The following IRF6 variants were observed in gnomAD, a reference collection of about 807,000 sequenced individuals.
IRF6 encodes the protein interferon regulatory factor 6.
A neutral mutation model predicts 51.4 loss-of-function variants in IRF6; 6 were observed. That is an observed-to-expected ratio of 0.12 (90% CI 0.06 to 0.23). The LOEUF is 0.23. Ranked by LOEUF, IRF6 falls within the 10% of genes least tolerant of loss-of-function variation. IRF6 has a pLI of 1.00. For synonymous variants in IRF6, 178 were observed against 215.7 expected (o/e 0.83, Z 1.53); for missense variants, 348 against 585.2 (o/e 0.59, Z 4.18).
chr1:209,803,915 C>T (rs564820967), intron 1 of IRF6, among the ~76,000 whole-genome samples: 1 of 152,220 alleles, frequency 6.6e-6, no homozygotes, highest in South Asian at 2.1e-4. Context: ...GCACTATCTC[C>T]ATCTTGTAAC....
chr1:209,798,144 G>A (rs1444649639), intron 3 of IRF6, among the ~76,000 whole-genome samples: 1 of 152,046 alleles, frequency 6.6e-6, no homozygotes, highest in East Asian at 1.9e-4. Context: ...TTCAGATTTG[G>A]GTCCCTCCAT....
At chr1:209,804,560 A>T (rs2077962548) in intron 1 of IRF6, among the ~76,000 whole-genome samples, 1 of 152,158 alleles carries the variant, frequency 6.6e-6, no homozygotes, top group South Asian at 2.1e-4. Flanking sequence ...GCCTAGTTGA[A>T]CTCATCTTGG....
chr1:209,802,866 G>A (rs2077952059), intron 1 of IRF6, among the ~76,000 whole-genome samples: 1 of 152,300 alleles, frequency 6.6e-6, no homozygotes, highest in African/African-American at 2.4e-5. Flanking sequence ...TAGCTGACGG[G>A]GTGGCCCATA....
chr1:209,796,593 A>G lies in IRF6; in HGVS notation c.175-41T>C. On this transcript the variant is annotated intron_variant, in intron 3 of 8. Transcript: ENST00000367021. The surrounding 1 kb of genome is among the most constrained non-coding windows in gnomAD (Gnocchi z 4.5). ...CACAGTGAGTCCTATCATTGCCCAG[A>G]GCCACTGCAAAGCATGTGCTTACCC... The G allele has an allele frequency of 6.6e-7, 1 of 1,513,100 alleles. No individual in the cohort carries two copies. The allele number at this position is 1,513,100 out of a possible 1,614,324, so 93.7% of individuals were successfully genotyped here. A position where few individuals can be genotyped will look rare whatever the true frequency, so the allele number is the denominator to read the frequency against.
intron 1 of IRF6, among the ~76,000 whole-genome samples, chr1:209,804,905 T>C (rs905138687): frequency 1.3e-5 from 2 of 152,212 alleles, no homozygotes; most frequent in African/African-American, 4.8e-5. Context: ...GTCCCAGCTC[T>C]TCCCTTTCTC....
rs944668654 is a variant in IRF6 at position 209,796,945 on chromosome 1, T to A, written c.175-393A>T. On this transcript the variant is annotated intron_variant, in intron 3 of 8. Coordinates refer to ENST00000367021, the MANE Select transcript of IRF6 (RefSeq NM_006147.4). This position sits in a 1 kb window ranked among gnomAD's most constrained non-coding sequence, Gnocchi z 4.5. ...TCTGGATAGCAGAATTTCAAGTAAC[T>A]TTTTTTCTTTGCTTATTCATTTTTG... 2.0e-5 allele frequency among the ~76,000 whole-genome samples: 3 copies of A among 152,208 alleles called. No individual in the cohort carries two copies. Among genetic ancestry groups the A allele is most frequent in the East Asian group, 1.9e-4 (1 of 5,198 alleles).
chr1:209,797,887 A>T (rs550529425), intron 3 of IRF6, among the ~76,000 whole-genome samples: 1 of 152,334 alleles, frequency 6.6e-6, no homozygotes, highest in African/African-American at 2.4e-5. Context: ...AGACAGCTCA[A>T]GACAGGAAGC....
intron 1 of IRF6, among the ~76,000 whole-genome samples, chr1:209,805,095 T>C (rs2077965730): frequency 6.6e-6 from 1 of 152,052 alleles, no homozygotes; most frequent in African/African-American, 2.4e-5. Flanking sequence ...TCATACATCA[T>C]ACACACGTCT....
In IRF6 at chr1:209,790,398, C is replaced by A; in HGVS notation, c.1060+97G>T. 1 of 1,429,326 alleles carries A rather than the reference C, an allele frequency of 7.0e-7. No homozygotes were observed. Among genetic ancestry groups the A allele is most frequent in the Non-Finnish European group, 9.8e-7 (1 of 1,017,574 alleles). 88.5% of individuals were successfully genotyped at this position (1,429,326 alleles called of 1,614,324 possible). A position where few individuals can be genotyped will look rare whatever the true frequency, so the allele number is the denominator to read the frequency against. On this transcript the variant is annotated intron_variant, in intron 7 of 8. Coordinates refer to ENST00000367021, the MANE Select transcript of IRF6 (RefSeq NM_006147.4). The surrounding 1 kb of genome is among the most constrained non-coding windows in gnomAD (Gnocchi z 4.8). The stretch of plus-strand genomic sequence containing the variant: ...AGACTAAATTTTTTAAGATCTTTGC[C>A]ATGCCAGGAAAGCAGGAAGGTGAAA...
At chr1:209,792,203 A>G in intron 6 of IRF6, 66 bp downstream of exon 6, 1 of 1,517,770 alleles carries the variant, frequency 6.6e-7, no homozygotes, top group African/African-American at 1.4e-5. Context: ...GAAGTTAGAA[A>G]GCAGGACAGG....
In IRF6 at chr1:209,801,425, G is replaced by T. The variant is rs760001361; in HGVS notation, c.-3-9C>A. On this transcript the variant is annotated splice_polypyrimidine_tract_variant and intron_variant, in intron 2 of 8. Coordinates refer to ENST00000367021, the MANE Select transcript of IRF6 (RefSeq NM_006147.4). ...GGGTGGAGGGCCATGATCTGGGGGG[G>T]TCAGAGGGAGAAATGGGAAGAGCAG... 3.8e-6 allele frequency: 6 copies of T among 1,564,618 alleles called. No individual in the cohort carries two copies. The highest frequency in any genetic ancestry group is 5.2e-6 in the Non-Finnish European group (6 of 1,159,040).
intron 6 of IRF6, among the ~76,000 whole-genome samples, chr1:209,791,422 A>G (rs1262540696): frequency 6.6e-6 from 1 of 152,224 alleles, no homozygotes; most frequent in Non-Finnish European, 1.5e-5. Context: ...ATTGAACCCA[A>G]TAGCCCCTAT....
At position 209,805,717 on chromosome 1, in the gene IRF6, T is replaced by C. The variant is rs541434240; in HGVS notation, c.-76+230A>G. ...GCTTCGGCGGTGGGGGTAGGGAGAGTAGACACAAGTGTAGATTCGAGAGGG... is the reference window on the plus strand; with the variant it reads ...GCTTCGGCGGTGGGGGTAGGGAGAGCAGACACAAGTGTAGATTCGAGAGGG... On this transcript the variant is annotated intron_variant, in intron 1 of 8. Transcript: ENST00000367021. Among the ~76,000 whole-genome samples, 4 of 151,572 alleles carry C rather than the reference T, an allele frequency of 2.6e-5. No homozygotes were observed. The East Asian group carries it at 7.8e-4, about 30-fold the overall frequency.
At chr1:209,789,464 T>A (rs1424297880) in intron 8 of IRF6, among the ~76,000 whole-genome samples, 1 of 151,860 alleles carries the variant, frequency 6.6e-6, no homozygotes, top group Non-Finnish European at 1.5e-5. Context: ...AAAGATAAGA[T>A]CTCCACTAAA....
chr1:209,789,534 A>G (rs1317966778), intron 8 of IRF6, 133 bp downstream of exon 8: 3 of 756,140 alleles, frequency 4.0e-6, no homozygotes, highest in African/African-American at 1.7e-5. Context: ...CACAAACCTG[A>G]GTCTGTTACC....
At chr1:209,791,153 A>G (rs2077866657) in intron 6 of IRF6, 6 of 655,882 alleles carry the variant, frequency 9.1e-6, no homozygotes, top group African/African-American at 3.9e-5. Context: ...AATTGCATCA[A>G]GTAAAGTGGT....
chr1:209,792,644 A>G (rs1020908247), intron 5 of IRF6: 2 of 597,812 alleles, frequency 3.3e-6, no homozygotes, highest in Non-Finnish European at 5.9e-6. Context: ...CCACAAATTC[A>G]TAGTTTTAAA....
rs2077844965 is a variant in IRF6, at chr1:209,788,040, C to A, written c.*380G>T. 7.5e-6 allele frequency: 2 copies of A among 267,872 alleles called. No homozygotes were observed. Among genetic ancestry groups the A allele is most frequent in the Admixed American group, 5.1e-5 (1 of 19,712 alleles). The allele number at this position is 267,872 out of a possible 1,614,324, so 16.6% of individuals were successfully genotyped here. ...GAAGGTCATTGAGTCCGTTCTAAAG[C>A]TGGATGCAATTTCAGGCACTACTCC... On this transcript the variant is annotated 3_prime_UTR_variant, in exon 9 of 9. Transcript: ENST00000367021.
Position 209,790,899 on chromosome 1 carries a change from G to C in IRF6, c.668-12C>G. On this transcript the variant is annotated splice_polypyrimidine_tract_variant and intron_variant, in intron 6 of 8. Coordinates refer to ENST00000367021, the MANE Select transcript of IRF6 (RefSeq NM_006147.4). This position sits in a 1 kb window ranked among gnomAD's most constrained non-coding sequence, Gnocchi z 4.8. ...GTCCAGGTCAGTCACTGCAAGGTTA[G>C]AGATGACAGTGAGAGTCCTGCTTCA... 2 of 1,612,274 alleles carry C rather than the reference G, an allele frequency of 1.2e-6. No individual in the cohort carries two copies. The highest frequency in any genetic ancestry group is 1.1e-5 in the South Asian group (1 of 90,998).
Sources: allele counts gnomAD v4.1 joint callset (sites outside exome capture counted in the v4.1 genomes callset), GRCh38; gene constraint gnomAD v4.1.1; non-coding constraint Gnocchi (gnomAD v3.1); transcripts MANE v1.5; gene names NCBI Gene and HGNC (gene_info 2026-07-23, HGNC 2026-07-21).